The following TECRL variants were observed in gnomAD, a reference collection of about 807,000 sequenced individuals.
The protein encoded by TECRL is trans-2,3-enoyl-CoA reductase like.
TECRL carries 63 observed loss-of-function variants against 52.8 expected under a neutral mutation model. That is an observed-to-expected ratio of 1.19 (90% confidence interval 0.97 to 1.47). TECRL has a LOEUF of 1.47. Ranked by LOEUF, TECRL falls within the 40% of genes most tolerant of loss-of-function variation. The probability of loss-of-function intolerance (pLI) is 0.00; values close to 1 mark genes in which losing one functional copy is unlikely to be tolerated. For missense variants in TECRL, 482 were observed against 429.6 expected (o/e 1.12, Z -1.08); for synonymous variants, 164 against 141.9 (o/e 1.16, Z -1.10).
intron 8 of TECRL, among the ~76,000 whole-genome samples, chr4:64,290,586 C>A (rs1723325710): frequency 6.6e-6 from 1 of 152,072 alleles, no homozygotes. Context: ...TGTTATTAAT[C>A]TCATAAAATA....
intron 1 of TECRL, among the ~76,000 whole-genome samples, chr4:64,402,754 G>A (rs146496918): frequency 3.3e-5 from 5 of 152,164 alleles, no homozygotes; most frequent in African/African-American, 1.2e-4. Context: ...GTGAATTGGG[G>A]TACATAAGAG....
chr4:64,323,154 CTT>C (rs1395449230), intron 3 of TECRL, among the ~76,000 whole-genome samples: 1 of 151,908 alleles, frequency 6.6e-6, no homozygotes. Flanking sequence ...AATCTCAAAA[CTT>C]TGTCGAGCTG....
chr4:64,289,912 AT>A lies in TECRL; in HGVS notation c.775-146del, dbSNP rs575934901. 1,892 of 479,326 alleles carry A rather than the reference AT, an allele frequency of 3.9e-3. 6 individuals are homozygous for A. The highest frequency in any genetic ancestry group is 5.3e-3 in the Middle Eastern group (10 of 1,872). The allele number at this position is 479,326 out of a possible 1,614,324, so 29.7% of individuals were successfully genotyped here. A position where few individuals can be genotyped will look rare whatever the true frequency, so the allele number is the denominator to read the frequency against. On this transcript the variant is annotated intron_variant, in intron 8 of 11. Transcript: ENST00000381210. ...TATTTTATTCTAATCATAAAGAGAA[AT>A]TTTTTTTAATTATAACAATGAAAGA...
At chr4:64,391,053 C>A (rs532622595) in intron 1 of TECRL, among the ~76,000 whole-genome samples, 1 of 151,734 alleles carries the variant, frequency 6.6e-6, no homozygotes, top group African/African-American at 2.4e-5. Flanking sequence ...AAAATGATTG[C>A]ATTACTTTTT....
At position 64,280,091 on chromosome 4, in the gene TECRL, A is replaced by T. The variant is rs373062805; in HGVS notation, c.1073T>A (p.Met358Lys). ...FNSYIHRKSA[M>K]IPFIL is the part of the protein sequence containing the mutation. ...CTTTTTTTACAATATGAATGGAATC[A>T]TTGCTGATTTTCTATGAATATATGA... The change falls in exon 12 of 12, where the codon ATG (methionine) becomes AAG (lysine). Residue 358 changes from methionine (M) to lysine (K), a missense_variant. Met to Lys is a moderately conservative substitution (Grantham distance 95, BLOSUM62 -1). Coordinates refer to ENST00000381210, the MANE Select transcript of TECRL (RefSeq NM_001010874.5). 55 of 1,595,072 alleles carry T rather than the reference A, an allele frequency of 3.4e-5. No individual in the cohort carries two copies. The highest frequency in any genetic ancestry group is 4.6e-5 in the Non-Finnish European group (54 of 1,173,364).
At chr4:64,338,713 C>A (rs1259448282) in intron 2 of TECRL, among the ~76,000 whole-genome samples, 1 of 152,132 alleles carries the variant, frequency 6.6e-6, no homozygotes, top group Non-Finnish European at 1.5e-5. Flanking sequence ...CAGAGAAATG[C>A]AAATCAAAAC....
intron 1 of TECRL, among the ~76,000 whole-genome samples, chr4:64,383,179 C>T (rs1047974056): frequency 8.5e-5 from 13 of 152,148 alleles, no homozygotes; most frequent in African/African-American, 3.1e-4. Context: ...ATGCTTTTCT[C>T]TTGCTGTTTT....
chr4:64,403,676 C>T (rs1578003436), intron 1 of TECRL, among the ~76,000 whole-genome samples: 1 of 151,814 alleles, frequency 6.6e-6, no homozygotes, highest in Non-Finnish European at 1.5e-5. Flanking sequence ...ATCACACTCT[C>T]AGATTTATAC....
chr4:64,297,609 G>A (rs1454172854), intron 8 of TECRL, among the ~76,000 whole-genome samples: 2 of 151,044 alleles, frequency 1.3e-5, no homozygotes, highest in African/African-American at 4.8e-5. Context: ...AATTTCAAAT[G>A]CATTGGACTT....
intron 4 of TECRL, among the ~76,000 whole-genome samples, chr4:64,316,966 A>T (rs1717537834): frequency 6.6e-6 from 1 of 152,210 alleles, no homozygotes; most frequent in African/African-American, 2.4e-5. Context: ...CTTCAACGTG[A>T]TATATGTACA....
intron 9 of TECRL, among the ~76,000 whole-genome samples, chr4:64,281,871 A>T (rs1722846057): frequency 1.3e-5 from 2 of 151,886 alleles, no homozygotes; most frequent in Non-Finnish European, 2.9e-5. Flanking sequence ...CATTATAATG[A>T]TTGAAATAGT....
intron 3 of TECRL, among the ~76,000 whole-genome samples, chr4:64,326,574 T>C (rs939155367): frequency 6.6e-6 from 1 of 152,122 alleles, no homozygotes; most frequent in African/African-American, 2.4e-5. Flanking sequence ...TACTCCCAGC[T>C]TGTGAGTAGT....
chr4:64,292,420 G>T (rs189466675), intron 8 of TECRL, among the ~76,000 whole-genome samples: 114 of 152,022 alleles, frequency 7.5e-4, no homozygotes, highest in Non-Finnish European at 1.3e-3. Flanking sequence ...TGACACAGAT[G>T]TTCAAGATAT....
At chr4:64,400,950 A>T (rs971497225) in intron 1 of TECRL, among the ~76,000 whole-genome samples, 6 of 152,194 alleles carry the variant, frequency 3.9e-5, no homozygotes, top group Non-Finnish European at 7.3e-5. Flanking sequence ...AATATAAGGG[A>T]AAACATAATA....
intron 2 of TECRL, among the ~76,000 whole-genome samples, chr4:64,365,214 A>AT (rs1721510983): frequency 6.6e-6 from 1 of 151,606 alleles, no homozygotes; most frequent in Non-Finnish European, 1.5e-5. Context: ...ATGTTAAAAA[A>AT]AAAAAAGCTA....
chr4:64,294,810 GA>G (rs1723588299), intron 8 of TECRL, among the ~76,000 whole-genome samples: 1 of 151,756 alleles, frequency 6.6e-6, no homozygotes, highest in Non-Finnish European at 1.5e-5. Context: ...TATTTTACCT[GA>G]ATCAATATTT....
intron 9 of TECRL, among the ~76,000 whole-genome samples, chr4:64,286,819 T>A (rs1184918125): frequency 6.6e-6 from 1 of 152,138 alleles, no homozygotes; most frequent in Non-Finnish European, 1.5e-5. Context: ...GACTTAAAAT[T>A]TTCATTTTCA....
intron 2 of TECRL, among the ~76,000 whole-genome samples, chr4:64,367,173 G>A (rs1045021474): frequency 6.6e-6 from 1 of 152,146 alleles, no homozygotes; most frequent in African/African-American, 2.4e-5. Flanking sequence ...TTATAAGTGG[G>A]AGCAAAGCAC....
At chr4:64,284,504 G>A (rs564597393) in intron 9 of TECRL, among the ~76,000 whole-genome samples, 17 of 151,974 alleles carry the variant, frequency 1.1e-4, no homozygotes, top group Admixed American at 1.1e-3. Context: ...ACTAAGATTC[G>A]CATTGGCTCT....
Sources: allele counts gnomAD v4.1 joint callset (sites outside exome capture counted in the v4.1 genomes callset), GRCh38; gene constraint gnomAD v4.1.1; transcripts MANE v1.5; gene names NCBI Gene and HGNC (gene_info 2026-07-23, HGNC 2026-07-21).